The following SLC20A2 variants were observed in gnomAD, a reference collection of about 807,000 sequenced individuals.
SLC20A2 encodes the protein solute carrier family 20 member 2, also known as sodium-dependent phosphate transporter 2.
SLC20A2 carries 30 observed loss-of-function variants against 61.0 expected under a neutral mutation model. The observed-to-expected ratio is 0.49, with a 90% confidence interval of 0.37 to 0.67. The LOEUF is 0.67. Ranked by LOEUF, SLC20A2 falls within the 30% of genes least tolerant of loss-of-function variation. SLC20A2 has a pLI of 0.00. For synonymous variants in SLC20A2, 351 were observed against 353.3 expected (o/e 0.99, Z 0.07); for missense variants, 626 against 866.4 (o/e 0.72, Z 3.48).
At chr8:42,467,440 G>A (rs535801736) in intron 2 of SLC20A2, among the ~76,000 whole-genome samples, 1 of 152,330 alleles carries the variant, frequency 6.6e-6, no homozygotes, top group East Asian at 1.9e-4. Context: ...AGCTCCCATG[G>A]AACTGTAGGG....
chr8:42,484,692 T>G (rs1695874995), intron 1 of SLC20A2: 5 of 382,800 alleles, frequency 1.3e-5, no homozygotes, highest in Non-Finnish European at 1.0e-5. Context: ...TGCAGTCTGA[T>G]GAAGTGTGGG....
intron 1 of SLC20A2, among the ~76,000 whole-genome samples, chr8:42,511,520 G>A (rs542157277): frequency 2.6e-4 from 39 of 152,004 alleles, no homozygotes; most frequent in Non-Finnish European, 4.0e-4. Context: ...CCAGCTACTC[G>A]GGAGGCTGAG....
intron 5 of SLC20A2, among the ~76,000 whole-genome samples, chr8:42,451,576 AGAGGAAGAGGAAGAGATGGAG>A: frequency 7.7e-6 from 1 of 129,046 alleles, no homozygotes. Context: ...GAAGAGATGA[AGAGGAAGAGGAAGAGATGGAG>A]GAGGAGGAGG....
chr8:42,505,224 T>G (rs1810598070), upstream of SLC20A2, among the ~76,000 whole-genome samples: 1 of 152,002 alleles, frequency 6.6e-6, no homozygotes, highest in Admixed American at 6.6e-5. Flanking sequence ...TCCTCCCACC[T>G]TAGCCTCCCA....
chr8:42,462,783 C>G (rs1806818108), intron 4 of SLC20A2, among the ~76,000 whole-genome samples: 1 of 152,148 alleles, frequency 6.6e-6, no homozygotes, highest in South Asian at 2.1e-4. Flanking sequence ...AGTACAGAGC[C>G]AAGAAACACT....
chr8:42,505,447 T>C (rs575829510), upstream of SLC20A2, among the ~76,000 whole-genome samples: 5 of 152,296 alleles, frequency 3.3e-5, no homozygotes, highest in East Asian at 5.8e-4. Context: ...ATTTCTTAAA[T>C]GAAGGTTATT....
At chr8:42,443,637 C>T (rs1804974113) in intron 6 of SLC20A2, among the ~76,000 whole-genome samples, 1 of 151,862 alleles carries the variant, frequency 6.6e-6, no homozygotes, top group Admixed American at 6.6e-5. Flanking sequence ...GCCAAAAATG[C>T]ATACATTTTA....
In SLC20A2 at chr8:42,472,628, G is replaced by A. The variant is rs997471307; in HGVS notation, c.-238C>T. ...AAACACATTCCATATTTTTCCTCCC[G>A]ATCTGGGAAAGCTGTGATGTCTCCT... is the stretch of plus-strand genomic sequence containing the variant. On this transcript the variant is annotated 5_prime_UTR_variant, in exon 2 of 11. Coordinates refer to ENST00000520262, the MANE Select transcript of SLC20A2 (RefSeq NM_001257180.2). The surrounding 1 kb of genome is among the most constrained non-coding windows in gnomAD (Gnocchi z 4.1). 9 of 465,488 alleles carry A rather than the reference G, an allele frequency of 1.9e-5. No homozygotes were observed. Among genetic ancestry groups the A allele is most frequent in the South Asian group, 1.1e-4 (4 of 35,936 alleles). 28.8% of individuals were successfully genotyped at this position (465,488 alleles called of 1,614,324 possible).
At chr8:42,471,052 A>C (rs1260106982) in intron 2 of SLC20A2, 1 of 402,064 alleles carries the variant, frequency 2.5e-6, no homozygotes, top group Non-Finnish European at 4.9e-6. Context: ...TATTCTTAGT[A>C]CACCAGCATC....
chr8:42,443,982 T>C (rs1805009382), intron 6 of SLC20A2, among the ~76,000 whole-genome samples: 1 of 152,224 alleles, frequency 6.6e-6, no homozygotes, highest in African/African-American at 2.4e-5. Flanking sequence ...ATTCTCTCTA[T>C]TGCTGCGTGG....
chr8:42,495,750 C>T (rs1417844232), intron 1 of SLC20A2, among the ~76,000 whole-genome samples: 1 of 151,542 alleles, frequency 6.6e-6, no homozygotes, highest in Non-Finnish European at 1.5e-5. Flanking sequence ...AGATCCCTCC[C>T]CCTTTTTTTT....
intron 1 of SLC20A2, among the ~76,000 whole-genome samples, chr8:42,514,957 A>G (rs1036821849): frequency 3.9e-5 from 6 of 152,152 alleles, no homozygotes; most frequent in Non-Finnish European, 8.8e-5. Flanking sequence ...GGGGAAAAAA[A>G]GAGGAATTAA....
chr8:42,530,127 A>AT (rs1812227802), intron 1 of SLC20A2, among the ~76,000 whole-genome samples: 1 of 152,220 alleles, frequency 6.6e-6, no homozygotes, highest in African/African-American at 2.4e-5. Flanking sequence ...AAAAGAATGA[A>AT]TTTTTTCAGG....
rs1322822300 is a variant in SLC20A2 at position 42,417,740 on chromosome 8, C to A, written c.*63G>T. The A allele has an allele frequency of 6.4e-7, 1 of 1,566,706 alleles. No individual in the cohort carries two copies. The highest frequency in any genetic ancestry group is 2.3e-5 in the East Asian group (1 of 44,348). ...GATGTGTATGTGCGGCACGAGCACACATGTCTCCCACACGCCAACACCAGA... is the reference window on the plus strand; with the variant it reads ...GATGTGTATGTGCGGCACGAGCACAAATGTCTCCCACACGCCAACACCAGA... On this transcript the variant is annotated 3_prime_UTR_variant, in exon 11 of 11. Transcript: ENST00000520262.
chr8:42,459,251 A>C (rs1337931484), intron 5 of SLC20A2, among the ~76,000 whole-genome samples: 2 of 151,436 alleles, frequency 1.3e-5, no homozygotes, highest in Admixed American at 1.3e-4. Context: ...AAAAAAAAAA[A>C]AAAAAAAACA....
intron 5 of SLC20A2, among the ~76,000 whole-genome samples, chr8:42,453,260 G>A (rs1805885123): frequency 6.6e-6 from 1 of 152,218 alleles, no homozygotes; most frequent in Admixed American, 6.5e-5. Flanking sequence ...GCTTAGGCTT[G>A]TATCCAACCC....
chr8:42,520,375 AAAAT>A (rs1248078220), intron 1 of SLC20A2, among the ~76,000 whole-genome samples: 2 of 151,956 alleles, frequency 1.3e-5, no homozygotes, highest in Non-Finnish European at 2.9e-5. Context: ...GAACACCAAA[AAAAT>A]AAATAAGTAA....
At chr8:42,458,865 C>T (rs1225720827) in intron 5 of SLC20A2, among the ~76,000 whole-genome samples, 1 of 151,170 alleles carries the variant, frequency 6.6e-6, no homozygotes, top group African/African-American at 2.4e-5. Flanking sequence ...GCCAAGATAG[C>T]GCCACTGCAC....
intron 5 of SLC20A2, among the ~76,000 whole-genome samples, chr8:42,444,990 T>C (rs572815923): frequency 1.7e-4 from 26 of 152,256 alleles, no homozygotes; most frequent in Admixed American, 1.4e-3. Context: ...AAGCTAATTA[T>C]TAAAGTTTTA....
Sources: gnomAD v4.1 joint callset for allele counts (sites outside exome capture counted in the v4.1 genomes callset) on GRCh38, gnomAD v4.1.1 for gene constraint, Gnocchi (gnomAD v3.1) non-coding constraint, MANE v1.5 for transcripts, NCBI Gene and HGNC (gene_info 2026-07-23, HGNC 2026-07-21) for gene names.